The following CCDC171 variants were observed in gnomAD, a reference collection of about 807,000 sequenced individuals.
CCDC171 encodes coiled-coil domain-containing protein 171.
CCDC171 carries 177 observed loss-of-function variants against 168.2 expected under a neutral mutation model. The ratio of observed to expected loss-of-function variants is 1.05; its 90% confidence interval spans 0.93 to 1.19. The LOEUF is 1.19. Among genes scored for constraint, CCDC171 ranks in the 50% most tolerant of loss-of-function variants. The pLI is 0.00. For missense variants in CCDC171, 1,991 were observed against 1,539.0 expected (o/e 1.29, Z -4.91); for synonymous variants, 687 against 540.8 (o/e 1.27, Z -3.75).
chr9:15,962,104 A>G (rs1024899689), intron 25 of CCDC171, among the ~76,000 whole-genome samples: 1 of 152,220 alleles, frequency 6.6e-6, no homozygotes, highest in African/African-American at 2.4e-5. Context: ...ATATTGGAAC[A>G]CAGCCATGCT....
chr9:15,796,812 G>T (rs965989748), intron 21 of CCDC171, among the ~76,000 whole-genome samples: 1 of 152,148 alleles, frequency 6.6e-6, no homozygotes. Flanking sequence ...AATCAGACCT[G>T]GCAAGTACAG....
intron 3 of CCDC171, among the ~76,000 whole-genome samples, chr9:15,993,261 A>C (rs1832259692): frequency 6.6e-6 from 1 of 152,172 alleles, no homozygotes; most frequent in African/African-American, 2.4e-5. Flanking sequence ...AGACCAATGG[A>C]ACAGAACAGA....
intron 21 of CCDC171, among the ~76,000 whole-genome samples, chr9:15,796,662 G>A (rs908417123): frequency 2.0e-5 from 3 of 152,200 alleles, no homozygotes; most frequent in African/African-American, 7.2e-5. Flanking sequence ...GAGGGTGTTG[G>A]CAGGGTGCAA....
chr9:16,070,063 G>A, the CCDC171 span, among the ~76,000 whole-genome samples: 2 of 152,156 alleles, frequency 1.3e-5, no homozygotes, highest in African/African-American at 4.8e-5. Context: ...ATGAAAAGGG[G>A]AGCGCTCAGG....
At chr9:15,650,606 C>T (rs1018109152) in intron 7 of CCDC171, among the ~76,000 whole-genome samples, 3 of 151,918 alleles carry the variant, frequency 2.0e-5, no homozygotes, top group Admixed American at 1.3e-4. Flanking sequence ...TTTTTTTATT[C>T]TGGATACTAG....
At chr9:15,816,126 G>C (rs1054602186) in intron 21 of CCDC171, among the ~76,000 whole-genome samples, 1 of 117,040 alleles carries the variant, frequency 8.5e-6, no homozygotes, top group Non-Finnish European at 1.9e-5. Flanking sequence ...TTTTCAAAGT[G>C]TATGTTCTCA....
At chr9:16,015,942 C>T (rs1192005128) in intron 3 of CCDC171, among the ~76,000 whole-genome samples, 2 of 152,158 alleles carry the variant, frequency 1.3e-5, no homozygotes, top group African/African-American at 4.8e-5. Context: ...AGCGTGTATC[C>T]AAATTTCATT....
chr9:15,571,072 G>C (rs1317811556), intron 2 of CCDC171, among the ~76,000 whole-genome samples: 1 of 152,070 alleles, frequency 6.6e-6, no homozygotes, highest in Non-Finnish European at 1.5e-5. Context: ...TGAGCTTTTG[G>C]GGGTTATCAG....
At chr9:15,807,657 AT>A (rs200048829) in intron 21 of CCDC171, among the ~76,000 whole-genome samples, 1 of 151,594 alleles carries the variant, frequency 6.6e-6, no homozygotes, top group African/African-American at 2.4e-5. Context: ...TACCTTATGG[AT>A]TTTTTTTACT....
intron 9 of CCDC171, among the ~76,000 whole-genome samples, chr9:15,668,064 C>T (rs2048857016): frequency 6.6e-6 from 1 of 152,148 alleles, no homozygotes; most frequent in Non-Finnish European, 1.5e-5. Context: ...GATTTCTTTA[C>T]TTTTGCTTTA....
intron 23 of CCDC171, among the ~76,000 whole-genome samples, chr9:15,852,662 G>T (rs948035634): frequency 2.0e-5 from 3 of 151,658 alleles, no homozygotes; most frequent in African/African-American, 7.2e-5. Flanking sequence ...CAAATGCAAA[G>T]TCGTGAAGCT....
the CCDC171 span, among the ~76,000 whole-genome samples, chr9:16,098,677 T>C: frequency 6.6e-6 from 1 of 152,260 alleles, no homozygotes; most frequent in South Asian, 2.1e-4. Context: ...ACACTACTAG[T>C]TGGGTTTTTG....
chr9:15,567,147 G>A (rs893402709), intron 2 of CCDC171, among the ~76,000 whole-genome samples: 6 of 150,246 alleles, frequency 4.0e-5, no homozygotes, highest in African/African-American at 7.3e-5. Flanking sequence ...TCAACCTCCC[G>A]AGTAGCTGGG....
intron 24 of CCDC171, among the ~76,000 whole-genome samples, chr9:15,902,281 T>TATATATATATATAC (rs1554673437): frequency 6.9e-5 from 10 of 145,202 alleles, no homozygotes; most frequent in African/African-American, 2.5e-4. Context: ...TATATATATA[T>TATATATATATATAC]ACACACACAC....
At chr9:16,000,722 AAG>A (rs1832514431) in intron 3 of CCDC171, among the ~76,000 whole-genome samples, 2 of 136,020 alleles carry the variant, frequency 1.5e-5, no homozygotes, top group Admixed American at 8.5e-5. Flanking sequence ...CGTTAATAAG[AAG>A]AGACTTTTTT....
At chr9:15,559,196 G>C (rs925608232) in intron 1 of CCDC171, among the ~76,000 whole-genome samples, 17 of 152,138 alleles carry the variant, frequency 1.1e-4, no homozygotes, top group African/African-American at 3.9e-4. Flanking sequence ...GTGCCGAGAA[G>C]AATGTATATT....
At chr9:15,688,405 A>C (rs1161183387) in intron 10 of CCDC171, among the ~76,000 whole-genome samples, 1 of 152,154 alleles carries the variant, frequency 6.6e-6, no homozygotes, top group Non-Finnish European at 1.5e-5. Context: ...CAAAAACCAA[A>C]TATACTGAAA....
the CCDC171 span, among the ~76,000 whole-genome samples, chr9:16,081,596 A>G: frequency 3.9e-5 from 6 of 152,202 alleles, no homozygotes; most frequent in African/African-American, 1.2e-4. Context: ...AGCTGGGAAC[A>G]TTTCAGAGCA....
intron 6 of CCDC171, among the ~76,000 whole-genome samples, chr9:15,618,251 G>C (rs144433122): frequency 6.6e-6 from 1 of 152,156 alleles, no homozygotes; most frequent in South Asian, 2.1e-4. Context: ...AAGCAGTCTG[G>C]CCACAGCCAC....
Sources: allele counts gnomAD v4.1 joint callset (sites outside exome capture counted in the v4.1 genomes callset), GRCh38; gene constraint gnomAD v4.1.1; transcripts MANE v1.5; gene names NCBI Gene and HGNC (gene_info 2026-07-23, HGNC 2026-07-21).